Variants in CDH18 observed in about 807,000 individuals in gnomAD.
CDH18 encodes cadherin 18.
A neutral mutation model predicts 67.9 loss-of-function variants in CDH18; 31 were observed. The ratio of observed to expected loss-of-function variants is 0.46; its 90% CI spans 0.34 to 0.62. The LOEUF is 0.62. Among genes scored for constraint, CDH18 ranks in the 20% least tolerant of loss-of-function variants. CDH18 has a pLI of 0.01. For missense variants in CDH18, 890 were observed against 975.5 expected (o/e 0.91, Z 1.17); for synonymous variants, 362 against 347.2 (o/e 1.04, Z -0.48).
intron 5 of CDH18, among the ~76,000 whole-genome samples, chr5:19,626,749 AGTT>A (rs957347493): frequency 1.0e-3 from 154 of 152,248 alleles, no homozygotes; most frequent in African/African-American, 3.3e-3. Context: ...ATAGCAGATT[AGTT>A]GTTGTTAATT....
intron 1 of CDH18, among the ~76,000 whole-genome samples, chr5:20,500,190 C>G (rs1358483311): frequency 6.6e-6 from 1 of 152,086 alleles, no homozygotes; most frequent in East Asian, 1.9e-4. Context: ...TTCTTTTCTA[C>G]AGTTCTATAG....
rs920010012 is a variant in CDH18, at chr5:19,838,622, T to C, written c.228+137A>G. On this transcript the variant is annotated intron_variant, in intron 3 of 12. Coordinates refer to ENST00000382275, the MANE Select transcript of CDH18 (RefSeq NM_004934.5). ...ATTTTGAGCTCTCTAGTATAAGTAG[T>C]AGTTTCTATAGCGTAATTCACTCTA... 45 of 618,528 alleles carry C rather than the reference T, an allele frequency of 7.3e-5. No homozygotes were observed. In the South Asian group the frequency reaches 8.1e-4, roughly 11 times the overall value. 38.3% of individuals were successfully genotyped at this position (618,528 alleles called of 1,614,324 possible). A position where few individuals can be genotyped will look rare whatever the true frequency, so the allele number is the denominator to read the frequency against.
At chr5:20,355,597 G>T (rs1741544403) in intron 1 of CDH18, among the ~76,000 whole-genome samples, 1 of 152,138 alleles carries the variant, frequency 6.6e-6, no homozygotes, top group Non-Finnish European at 1.5e-5. Flanking sequence ...ATTAATTAGG[G>T]TGAAGATTAC....
intron 1 of CDH18, among the ~76,000 whole-genome samples, chr5:20,453,491 C>G (rs973061317): frequency 6.6e-6 from 1 of 151,698 alleles, no homozygotes; most frequent in Non-Finnish European, 1.5e-5. Flanking sequence ...TAGTTTAGTG[C>G]AGAAGAAAGA....
chr5:20,005,075 T>A (rs1374371415), intron 2 of CDH18, among the ~76,000 whole-genome samples: 1 of 152,092 alleles, frequency 6.6e-6, no homozygotes, highest in African/African-American at 2.4e-5. Flanking sequence ...CACAAAATTC[T>A]AAAAGGGAAT....
At chr5:20,461,249 C>T (rs1751244124) in intron 1 of CDH18, among the ~76,000 whole-genome samples, 1 of 152,130 alleles carries the variant, frequency 6.6e-6, no homozygotes. Context: ...CTTCTTCTTG[C>T]CTAGTCTGCC....
At chr5:19,953,742 C>A (rs1796007120) in intron 2 of CDH18, among the ~76,000 whole-genome samples, 1 of 151,978 alleles carries the variant, frequency 6.6e-6, no homozygotes, top group Non-Finnish European at 1.5e-5. Flanking sequence ...AGGAAATCAG[C>A]ATATTGCTTT....
intron 12 of CDH18, among the ~76,000 whole-genome samples, chr5:19,480,349 T>A (rs1739192522): frequency 7.0e-6 from 1 of 142,164 alleles, no homozygotes; most frequent in East Asian, 2.0e-4. Context: ...ATATAAAGTT[T>A]ATTTTATTTA....
At chr5:20,044,324 T>C (rs1044437388) in intron 2 of CDH18, among the ~76,000 whole-genome samples, 2 of 152,094 alleles carry the variant, frequency 1.3e-5, no homozygotes, top group African/African-American at 4.8e-5. Flanking sequence ...AAAAACCATA[T>C]GAATAAAATA....
chr5:20,153,370 T>C (rs774072989), intron 2 of CDH18, among the ~76,000 whole-genome samples: 11 of 152,278 alleles, frequency 7.2e-5, no homozygotes, highest in South Asian at 2.1e-4. Context: ...CTGTATTCTC[T>C]ACCTTTTCCA....
intron 2 of CDH18, among the ~76,000 whole-genome samples, chr5:19,876,787 ATTGT>A (rs1787059591): frequency 6.6e-6 from 1 of 152,130 alleles, no homozygotes; most frequent in Non-Finnish European, 1.5e-5. Context: ...GGACTGGTTC[ATTGT>A]TTGCTCAACC....
At chr5:20,317,213 C>T (rs952610771) in intron 1 of CDH18, among the ~76,000 whole-genome samples, 1 of 152,000 alleles carries the variant, frequency 6.6e-6, no homozygotes, top group Non-Finnish European at 1.5e-5. Flanking sequence ...CTTTAAATTT[C>T]AGCAAATGTC....
chr5:20,351,136 CT>C (rs199912948), intron 1 of CDH18, among the ~76,000 whole-genome samples: 1,717 of 150,012 alleles, frequency 0.011, 20 homozygotes, highest in Non-Finnish European at 0.016. Flanking sequence ...TGACATTTAC[CT>C]GCTCCAAACA....
At chr5:20,049,942 G>C (rs537725835) in intron 2 of CDH18, among the ~76,000 whole-genome samples, 1 of 151,784 alleles carries the variant, frequency 6.6e-6, no homozygotes, top group African/African-American at 2.4e-5. Flanking sequence ...ATTAACCAAA[G>C]TTGAAATTTA....
At chr5:20,123,297 C>A (rs10473307) in intron 2 of CDH18, among the ~76,000 whole-genome samples, 110,186 of 152,024 alleles carry the variant, frequency 0.72, 44,802 homozygotes, top group Non-Finnish European at 0.91. Context: ...TGACCCATAG[C>A]CGCAGCTACT....
intron 2 of CDH18, among the ~76,000 whole-genome samples, chr5:20,070,117 T>C (rs1743345186): frequency 6.6e-6 from 1 of 152,324 alleles, no homozygotes; most frequent in East Asian, 1.9e-4. Context: ...TTTTACTGTA[T>C]CCATAGTTTT....
intron 3 of CDH18, among the ~76,000 whole-genome samples, chr5:19,802,129 C>T (rs1777537901): frequency 6.6e-6 from 1 of 152,052 alleles, no homozygotes; most frequent in African/African-American, 2.4e-5. Flanking sequence ...ATATATATGA[C>T]TCCCTTATAT....
At chr5:20,559,337 T>C (rs1758078550) in intron 1 of CDH18, among the ~76,000 whole-genome samples, 1 of 152,066 alleles carries the variant, frequency 6.6e-6, no homozygotes, top group African/African-American at 2.4e-5. Context: ...ATGTCTCATG[T>C]AAGCAGGTAG....
rs538984559 is a variant in CDH18 at position 19,763,194 on chromosome 5, A to G, written c.229-15958T>C. On this transcript the variant is annotated intron_variant, in intron 3 of 12. Transcript: ENST00000382275. Reference sequence around the variant, plus strand: ...GCAAACCAACATGGCACATGTATACATATGTGACAAACCTGCACGTTGTGC... The same window carrying G: ...GCAAACCAACATGGCACATGTATACGTATGTGACAAACCTGCACGTTGTGC... Among the ~76,000 whole-genome samples, 140 of 152,206 alleles carry G rather than the reference A, an allele frequency of 9.2e-4. 1 individual carries two copies. Among genetic ancestry groups the G allele is most frequent in the Non-Finnish European group, 1.4e-3 (97 of 68,036 alleles).
Sources: gnomAD v4.1 joint callset for allele counts (sites outside exome capture counted in the v4.1 genomes callset) on GRCh38, gnomAD v4.1.1 for gene constraint, MANE v1.5 for transcripts, NCBI Gene and HGNC (gene_info 2026-07-23, HGNC 2026-07-21) for gene names.